USP45: variants seen among roughly 807,000 people sequenced by gnomAD.
USP45 encodes ubiquitin specific peptidase 45.
USP45 carries 89 observed loss-of-function variants against 95.8 expected under a neutral mutation model. The observed-to-expected ratio is 0.93, with a 90% CI of 0.78 to 1.11. USP45 has a LOEUF of 1.11. Among genes scored for constraint, USP45 ranks in the 50% least tolerant of loss-of-function variants. The probability of loss-of-function intolerance (pLI) is 0.00; values close to 1 mark genes in which losing one functional copy is unlikely to be tolerated. For missense variants in USP45, 898 were observed against 942.5 expected (o/e 0.95, Z 0.62); for synonymous variants, 281 against 316.2 (o/e 0.89, Z 1.18).
At chr6:99,495,199 G>T (rs529293975) in intron 5 of USP45, among the ~76,000 whole-genome samples, 51 of 152,198 alleles carry the variant, frequency 3.4e-4, no homozygotes, top group African/African-American at 1.2e-3. Context: ...TTTATACTTT[G>T]GCCAAGAAAT....
At chr6:99,510,447 T>C (rs1799534010) in intron 1 of USP45, among the ~76,000 whole-genome samples, 1 of 152,214 alleles carries the variant, frequency 6.6e-6, no homozygotes, top group African/African-American at 2.4e-5. Context: ...AACTATACCA[T>C]TATGGACTAA....
chr6:99,433,896 T>G lies in USP45; in HGVS notation c.*1820A>C, dbSNP rs972251928. 1 of 152,132 alleles carries G rather than the reference T, an allele frequency of 6.6e-6. No individual in the cohort carries two copies. Among genetic ancestry groups the G allele is most frequent in the Non-Finnish European group, 1.5e-5 (1 of 68,010 alleles). The allele number at this position is 152,132 out of a possible 1,614,324, so 9.4% of individuals were successfully genotyped here. On this transcript the variant is annotated 3_prime_UTR_variant, in exon 18 of 18. Transcript: ENST00000500704. Reference sequence around the variant, plus strand: ...AAAATTAGGTGATCTATATTTACATTTGGGCAGTGGGGGGATGAAAACTGC... The same window carrying G: ...AAAATTAGGTGATCTATATTTACATGTGGGCAGTGGGGGGATGAAAACTGC...
intron 13 of USP45, chr6:99,462,139 T>C (rs1019184654): frequency 5.4e-5 from 53 of 983,088 alleles, no homozygotes; most frequent in Admixed American, 1.2e-4. Context: ...GGTAACTCTA[T>C]TACATGAAAA....
At chr6:99,450,863 T>G (rs1343363857) in intron 13 of USP45, among the ~76,000 whole-genome samples, 2 of 152,216 alleles carry the variant, frequency 1.3e-5, no homozygotes, top group African/African-American at 4.8e-5. Flanking sequence ...ATCCCTGGGA[T>G]GCAAGGCTGG....
intron 2 of USP45, 96 bp from the exon 3 acceptor site, chr6:99,508,878 A>C: frequency 9.4e-7 from 1 of 1,062,048 alleles, no homozygotes; most frequent in Non-Finnish European, 1.3e-6. Flanking sequence ...GCTGTTAACT[A>C]AAAAGCACAG....
At chr6:99,484,318 C>T (rs1227898778) in intron 7 of USP45, among the ~76,000 whole-genome samples, 1 of 151,042 alleles carries the variant, frequency 6.6e-6, no homozygotes, top group Non-Finnish European at 1.5e-5. Flanking sequence ...CAGATGAATG[C>T]CAGCATATCC....
At chr6:99,507,012 G>C (rs952502436) in intron 4 of USP45, among the ~76,000 whole-genome samples, 19 of 152,202 alleles carry the variant, frequency 1.2e-4, no homozygotes, top group Non-Finnish European at 2.5e-4. Flanking sequence ...TCAAAGACCA[G>C]CCTGGGCAAC....
upstream of USP45, among the ~76,000 whole-genome samples, chr6:99,517,443 GT>G (rs201818477): frequency 6.7e-6 from 1 of 148,302 alleles, no homozygotes. Flanking sequence ...TCCTTTTTTT[GT>G]TTTTTTTTGA....
chr6:99,482,917 G>A (rs1583282699), intron 7 of USP45, 34 bp from the exon 8 acceptor site: 3 of 1,412,758 alleles, frequency 2.1e-6, no homozygotes, highest in Non-Finnish European at 2.8e-6. Context: ...TGTCAGAAAT[G>A]TACAATTTAA....
chr6:99,509,515 A>G (rs940396053), intron 2 of USP45, among the ~76,000 whole-genome samples: 1 of 152,110 alleles, frequency 6.6e-6, no homozygotes, highest in Non-Finnish European at 1.5e-5. Context: ...AGTGAGGAAA[A>G]TCCTCAGAGG....
chr6:99,511,451 CTAT>C (rs1377576838), intron 1 of USP45, among the ~76,000 whole-genome samples: 1 of 151,914 alleles, frequency 6.6e-6, no homozygotes, highest in Non-Finnish European at 1.5e-5. Context: ...CCGTGCCCGG[CTAT>C]TATTATTTTT....
upstream of USP45, among the ~76,000 whole-genome samples, chr6:99,515,923 C>G (rs912843179): frequency 6.6e-6 from 1 of 152,078 alleles, no homozygotes; most frequent in African/African-American, 2.4e-5. Flanking sequence ...TACAGGCGCC[C>G]GCCATCACGC....
upstream of USP45, among the ~76,000 whole-genome samples, chr6:99,517,406 C>T (rs1801180776): frequency 6.6e-6 from 1 of 151,806 alleles, no homozygotes; most frequent in Non-Finnish European, 1.5e-5. Context: ...ATATATTCCT[C>T]TTATATTTCT....
chr6:99,515,134 G>A (rs895930916), intron 1 of USP45: 6 of 152,404 alleles, frequency 3.9e-5, no homozygotes, highest in African/African-American at 1.2e-4. Flanking sequence ...GGTCACCAGG[G>A]GACTCGGGCC....
At chr6:99,462,898 C>T in intron 13 of USP45, 1 of 157,298 alleles carries the variant, frequency 6.4e-6, no homozygotes, top group South Asian at 1.9e-4. Context: ...GCACAAGAAT[C>T]ACTTGAACCT....
rs372586446 is a variant in USP45, at chr6:99,435,830, A to G, written c.2331T>C (p.Asp777=). 53 of 1,611,406 alleles carry G rather than the reference A, an allele frequency of 3.3e-5. No individual in the cohort carries two copies. The highest frequency in any genetic ancestry group is 4.2e-5 in the Non-Finnish European group (50 of 1,179,134). The stretch of plus-strand genomic sequence containing the variant: ...GGACCCACTGGCCTGCTGATTCATT[A>G]TCAGCCGCTTTCAAACCTAGCAAAA... ...KKNVPGLKAA[D]NESAGQWVHV... is the part of the protein sequence containing the mutation. The change falls in exon 18 of 18, where the codon GAT becomes GAC. Residue 777 remains aspartate (D), a synonymous_variant. Transcript: ENST00000500704.
intron 5 of USP45, among the ~76,000 whole-genome samples, chr6:99,489,362 A>C (rs1218253636): frequency 6.6e-6 from 1 of 152,204 alleles, no homozygotes; most frequent in Non-Finnish European, 1.5e-5. Context: ...TATTCACAGA[A>C]TGAATCTGAA....
intron 16 of USP45, among the ~76,000 whole-genome samples, chr6:99,437,855 A>AC (rs1444783186): frequency 6.6e-6 from 1 of 152,062 alleles, no homozygotes; most frequent in Non-Finnish European, 1.5e-5. Context: ...ACAGGGTTTT[A>AC]CCTTGTTGGA....
intron 16 of USP45, 129 bp from the exon 17 acceptor site, chr6:99,437,528 A>G (rs1168598882): frequency 2.0e-5 from 20 of 992,736 alleles, no homozygotes; most frequent in Non-Finnish European, 2.6e-5. Flanking sequence ...TTCCATACTT[A>G]CTAGGCTGGC....
Sources: gnomAD v4.1 joint callset for allele counts (sites outside exome capture counted in the v4.1 genomes callset) on GRCh38, gnomAD v4.1.1 for gene constraint, MANE v1.5 for transcripts, NCBI Gene and HGNC (gene_info 2026-07-23, HGNC 2026-07-21) for gene names.